Variants in ARHGEF28 observed in about 807,000 individuals in gnomAD.
The protein encoded by ARHGEF28 is Rho guanine nucleotide exchange factor 28, also known as 190 kDa guanine nucleotide exchange factor.
In ARHGEF28, 152 loss-of-function variants were observed where a neutral mutation model predicts 206.6. That is an observed-to-expected ratio of 0.74 (90% CI 0.64 to 0.84). The LOEUF is 0.84. Ranked by LOEUF, ARHGEF28 falls within the 40% of genes least tolerant of loss-of-function variation. The pLI, the probability that ARHGEF28 is intolerant of heterozygous loss-of-function variation, is 0.00. For missense variants in ARHGEF28, 2,028 were observed against 2,073.2 expected (o/e 0.98, Z 0.42); for synonymous variants, 763 against 776.4 (o/e 0.98, Z 0.29).
intron 35 of ARHGEF28, among the ~76,000 whole-genome samples, chr5:73,912,566 T>C (rs1019768419): frequency 2.6e-5 from 4 of 152,250 alleles, no homozygotes; most frequent in African/African-American, 7.2e-5. Context: ...AAGATGTTGA[T>C]TCTTAATAGT....
At chr5:73,654,432 G>A (rs1305368114) in intron 1 of ARHGEF28, among the ~76,000 whole-genome samples, 1 of 152,228 alleles carries the variant, frequency 6.6e-6, no homozygotes, top group Non-Finnish European at 1.5e-5. Context: ...CAGTAGGGGA[G>A]TGGGCTAGGC....
intron 2 of ARHGEF28, among the ~76,000 whole-genome samples, chr5:73,739,693 T>C: frequency 6.6e-6 from 1 of 151,534 alleles, no homozygotes. Flanking sequence ...TGCCTGTAGT[T>C]CCAGCTCCTC....
intron 35 of ARHGEF28, among the ~76,000 whole-genome samples, chr5:73,926,049 A>G (rs1389863199): frequency 6.6e-6 from 1 of 152,196 alleles, no homozygotes; most frequent in East Asian, 1.9e-4. Context: ...GATTGTCCTG[A>G]CTACAAACCT....
rs111631114 is a variant in ARHGEF28 at position 73,719,309 on chromosome 5, G to A, written c.34-30528G>A. 9.6e-3 allele frequency among the ~76,000 whole-genome samples: 1,463 copies of A among 152,072 alleles called. 13 individuals are homozygous for A. Among genetic ancestry groups the A allele is most frequent in the Non-Finnish European group, 0.014 (926 of 68,002 alleles). On this transcript the variant is annotated intron_variant, in intron 2 of 35. Coordinates refer to ENST00000513042, the MANE Select transcript of ARHGEF28 (RefSeq NM_001177693.2). ...ACCTGTAGTCTCAGCTACTTGGGAG[G>A]CTGAGGCAGGAGAATGGCGTGAACC...
Position 73,740,996 on chromosome 5 carries a change from A to G in ARHGEF28, c.34-8841A>G, listed in dbSNP as rs1379328059. ...GGGCCAGTATAGGGCTTTTATTCCTAAAGGATTATCAGAATAAGGCAAGAG... is the reference window on the plus strand; with the variant it reads ...GGGCCAGTATAGGGCTTTTATTCCTGAAGGATTATCAGAATAAGGCAAGAG... On this transcript the variant is annotated intron_variant, in intron 2 of 35. Coordinates refer to ENST00000513042, the MANE Select transcript of ARHGEF28 (RefSeq NM_001177693.2). Among the ~76,000 whole-genome samples the G allele has an allele frequency of 2.6e-5, 4 of 152,132 alleles. No homozygotes were observed. In the South Asian group the frequency reaches 6.2e-4, roughly 24 times the overall value.
intron 4 of ARHGEF28, 113 bp from the exon 5 acceptor site, chr5:73,773,742 C>T (rs1371258065): frequency 9.1e-7 from 1 of 1,102,142 alleles, no homozygotes; most frequent in Admixed American, 3.1e-5. Flanking sequence ...TTGTTAATTT[C>T]TTCCAACTCT....
At chr5:73,836,346 C>A (rs1271275398) in intron 10 of ARHGEF28, among the ~76,000 whole-genome samples, 3 of 140,136 alleles carry the variant, frequency 2.1e-5, no homozygotes, top group Non-Finnish European at 4.5e-5. Context: ...GCCATTCTAA[C>A]AGGTGTGAGG....
intron 1 of ARHGEF28, among the ~76,000 whole-genome samples, chr5:73,641,936 A>G (rs1744134303): frequency 6.6e-6 from 1 of 152,246 alleles, no homozygotes; most frequent in Non-Finnish European, 1.5e-5. Context: ...AATTCCTGCA[A>G]CAATGTTACT....
At chr5:73,921,883 C>T (rs1763539471) in intron 35 of ARHGEF28, among the ~76,000 whole-genome samples, 1 of 152,114 alleles carries the variant, frequency 6.6e-6, no homozygotes, top group African/African-American at 2.4e-5. Context: ...TGCTTCCTAC[C>T]AGTGATCTCG....
At position 73,941,686 on chromosome 5, in the gene ARHGEF28, C is replaced by T. The variant is rs1354014951; in HGVS notation, c.*673C>T. On this transcript the variant is annotated 3_prime_UTR_variant, in exon 36 of 36. Transcript: ENST00000513042. ...CAGAGGCCCAGAGCCCCCATCAAGT[C>T]ATTTTGATGTAAATAGTGAACTTTG... The T allele has an allele frequency of 1.3e-5, 2 of 152,256 alleles. No homozygotes were observed. The highest frequency in any genetic ancestry group is 2.9e-5 in the Non-Finnish European group (2 of 68,100). The allele number at this position is 152,256 out of a possible 1,614,324, so 9.4% of individuals were successfully genotyped here.
At chr5:73,710,012 C>A (rs1749151644) in intron 2 of ARHGEF28, among the ~76,000 whole-genome samples, 1 of 152,190 alleles carries the variant, frequency 6.6e-6, no homozygotes, top group East Asian at 1.9e-4. Context: ...ATGAATAATG[C>A]AGCTCCAGTT....
At chr5:73,769,395 A>G (rs1166387561) in intron 4 of ARHGEF28, among the ~76,000 whole-genome samples, 2 of 152,186 alleles carry the variant, frequency 1.3e-5, no homozygotes, top group African/African-American at 4.8e-5. Flanking sequence ...GTTACAACGT[A>G]TGTATATATG....
chr5:73,919,396 G>C (rs1270360751), intron 35 of ARHGEF28, among the ~76,000 whole-genome samples: 2 of 152,324 alleles, frequency 1.3e-5, no homozygotes, highest in East Asian at 3.9e-4. Context: ...TGGGGATGAA[G>C]CTCTGATAGC....
chr5:73,903,139 C>T (rs1762366001), intron 31 of ARHGEF28: 1 of 152,168 alleles, frequency 6.6e-6, no homozygotes, highest in South Asian at 2.1e-4. Flanking sequence ...GCTAGCTCAT[C>T]CTGGCATCAT....
At chr5:73,657,948 A>T (rs1004431414) in intron 1 of ARHGEF28, among the ~76,000 whole-genome samples, 2 of 152,168 alleles carry the variant, frequency 1.3e-5, no homozygotes, top group Admixed American at 6.5e-5. Flanking sequence ...TCAGGCAAAG[A>T]TTCTTCGTAG....
intron 26 of ARHGEF28, among the ~76,000 whole-genome samples, chr5:73,891,091 C>G (rs1761597961): frequency 6.6e-6 from 1 of 152,164 alleles, no homozygotes; most frequent in Admixed American, 6.5e-5. Context: ...TATTGAGTGC[C>G]TACTCTATGC....
chr5:73,883,407 G>A (rs1190256970), intron 23 of ARHGEF28, among the ~76,000 whole-genome samples: 2 of 152,164 alleles, frequency 1.3e-5, no homozygotes, highest in Non-Finnish European at 2.9e-5. Context: ...AGGAAGACCT[G>A]TTGGGAAAAC....
chr5:73,893,603 T>C lies in ARHGEF28; in HGVS notation c.3658+315T>C, dbSNP rs75877416. Among the ~76,000 whole-genome samples, 436 of 152,368 alleles carry C rather than the reference T, an allele frequency of 2.9e-3. 15 individuals carry two copies. In the East Asian group the frequency reaches 0.075, roughly 26 times the overall value. ...TTAATTTTAGGTCTCAGCACTGTCA[T>C]GTCAATGACTTTGGACAAGGAACCC... On this transcript the variant is annotated intron_variant, in intron 28 of 35. Coordinates refer to ENST00000513042, the MANE Select transcript of ARHGEF28 (RefSeq NM_001177693.2).
At chr5:73,860,442 T>G (rs1462023510) in intron 16 of ARHGEF28, among the ~76,000 whole-genome samples, 2 of 152,218 alleles carry the variant, frequency 1.3e-5, no homozygotes, top group Non-Finnish European at 2.9e-5. Flanking sequence ...TTCATCGTCT[T>G]CGAAACCCAG....
Sources: allele counts gnomAD v4.1 joint callset (sites outside exome capture counted in the v4.1 genomes callset), GRCh38; gene constraint gnomAD v4.1.1; transcripts MANE v1.5; gene names NCBI Gene and HGNC (gene_info 2026-07-23, HGNC 2026-07-21).